The following CNTN4 variants were observed in gnomAD, a reference collection of about 807,000 sequenced individuals.
CNTN4 encodes contactin 4, also known as contactin-4.
CNTN4 carries 77 observed loss-of-function variants against 122.5 expected under a neutral mutation model. That is an observed-to-expected ratio of 0.63 (90% confidence interval 0.52 to 0.76). The LOEUF is 0.76. CNTN4 is among the 30% of genes least tolerant of loss of function. The pLI is 0.00. For synonymous variants in CNTN4, 512 were observed against 447.0 expected (o/e 1.15, Z -1.83); for missense variants, 1,256 against 1,259.1 (o/e 1.00, Z 0.04).
At chr3:2,451,717 GA>G (rs2048836606) in intron 3 of CNTN4, among the ~76,000 whole-genome samples, 1 of 152,088 alleles carries the variant, frequency 6.6e-6, no homozygotes, top group Non-Finnish European at 1.5e-5. Context: ...TTGCGCTGAT[GA>G]AGTAAGTATT....
intron 2 of CNTN4, among the ~76,000 whole-genome samples, chr3:2,296,270 G>C (rs1213913320): frequency 1.3e-5 from 2 of 152,134 alleles, no homozygotes; most frequent in African/African-American, 4.8e-5. Context: ...ACCTTGGGCA[G>C]TATGGCCATT....
In CNTN4 at chr3:2,516,456, T is replaced by C. The variant is rs555060295; in HGVS notation, c.-88-54960T>C. ...TACCAAGCAGCTTCAGGGACATTGC[T>C]TTTGGTTTTAATCTAGTACCTCTGT... On this transcript the variant is annotated intron_variant, in intron 3 of 24. Coordinates refer to ENST00000418658, the MANE Select transcript of CNTN4 (RefSeq NM_175607.3). 7.2e-5 allele frequency among the ~76,000 whole-genome samples: 11 copies of C among 152,250 alleles called. No homozygotes were observed. The East Asian group carries it at 2.1e-3, about 29-fold the overall frequency.
chr3:2,618,134 A>G (rs1043139810), intron 4 of CNTN4, among the ~76,000 whole-genome samples: 1 of 152,164 alleles, frequency 6.6e-6, no homozygotes, highest in Non-Finnish European at 1.5e-5. Flanking sequence ...TGGGATAGGT[A>G]TGGGGGAATG....
chr3:2,956,791 T>C (rs1481739766), intron 13 of CNTN4, among the ~76,000 whole-genome samples: 1 of 152,130 alleles, frequency 6.6e-6, no homozygotes, highest in Non-Finnish European at 1.5e-5. Context: ...TCTTCCTATT[T>C]ATTTCCCCTA....
At chr3:2,641,894 C>T (rs1264123614) in intron 4 of CNTN4, among the ~76,000 whole-genome samples, 2 of 152,154 alleles carry the variant, frequency 1.3e-5, no homozygotes, top group Admixed American at 1.3e-4. Context: ...GAATCATATA[C>T]TTAATTATGT....
chr3:2,853,100 T>C (rs2093572264), intron 7 of CNTN4, among the ~76,000 whole-genome samples: 1 of 151,570 alleles, frequency 6.6e-6, no homozygotes, highest in South Asian at 2.1e-4. Flanking sequence ...GAAGGTAAAA[T>C]AAGTCTCTAA....
chr3:2,574,182 C>CTCCA (rs1453739862), intron 4 of CNTN4, among the ~76,000 whole-genome samples: 1 of 152,232 alleles, frequency 6.6e-6, no homozygotes, highest in Non-Finnish European at 1.5e-5. Flanking sequence ...CGCCACTGCA[C>CTCCA]TCCAGCCTGG....
chr3:2,687,528 T>G (rs1414236515), intron 4 of CNTN4, among the ~76,000 whole-genome samples: 1 of 152,164 alleles, frequency 6.6e-6, no homozygotes, highest in Non-Finnish European at 1.5e-5. Flanking sequence ...CTGGGCATGG[T>G]GGCATGCGCC....
chr3:2,769,837 G>C (rs1443193829), intron 6 of CNTN4, among the ~76,000 whole-genome samples: 1 of 152,164 alleles, frequency 6.6e-6, no homozygotes, highest in Non-Finnish European at 1.5e-5. Flanking sequence ...ACAACAAGCA[G>C]ATCAAAAATA....
chr3:3,031,838 C>T (rs768006622), intron 16 of CNTN4, among the ~76,000 whole-genome samples: 9 of 152,170 alleles, frequency 5.9e-5, no homozygotes, highest in Non-Finnish European at 1.0e-4. Flanking sequence ...TGTTGGTGTT[C>T]AGGCATCTTT....
chr3:2,607,110 A>G (rs530428625), intron 4 of CNTN4, among the ~76,000 whole-genome samples: 1 of 152,318 alleles, frequency 6.6e-6, no homozygotes, highest in South Asian at 2.1e-4. Context: ...GGTGACTGTT[A>G]CATTCTTCCA....
intron 4 of CNTN4, among the ~76,000 whole-genome samples, chr3:2,631,879 C>CAAAAA (rs1027845200): frequency 8.8e-6 from 1 of 113,420 alleles, no homozygotes; most frequent in Non-Finnish European, 1.7e-5. Flanking sequence ...AAAAAAAAAA[C>CAAAAA]AAAAAAAAAC....
chr3:2,394,106 C>G (rs2046544996), intron 3 of CNTN4, among the ~76,000 whole-genome samples: 2 of 151,526 alleles, frequency 1.3e-5, no homozygotes, highest in Admixed American at 6.6e-5. Flanking sequence ...TCAATGAAAG[C>G]TAAATTTTAG....
rs1313502841 is a variant in CNTN4, at chr3:2,269,906, GTTTGTTTGTTTA to G, written c.-144-69268_-144-69257del. Among the ~76,000 whole-genome samples the G allele has an allele frequency of 1.1e-3, 21 of 19,386 alleles. 4 individuals are homozygous for G. Among genetic ancestry groups the G allele is most frequent in the Non-Finnish European group, 1.7e-3 (8 of 4,790 alleles). 12.7% of individuals were successfully genotyped at this position (19,386 alleles called of 152,430 possible). ...ATCCCCTATTATAGCCAGTTTGTTTGTTTGTTTGTTTATTTATTTATTTATTTATTTATTTAT... is the reference window on the plus strand; with the variant it reads ...ATCCCCTATTATAGCCAGTTTGTTTGTTTATTTATTTATTTATTTATTTAT... On this transcript the variant is annotated intron_variant, in intron 2 of 24. Transcript: ENST00000418658.
chr3:2,943,969 G>A (rs1469636487), intron 13 of CNTN4, among the ~76,000 whole-genome samples: 1 of 152,064 alleles, frequency 6.6e-6, no homozygotes, highest in African/African-American at 2.4e-5. Context: ...GATGCACTTT[G>A]CCTACAGATG....
At chr3:2,183,258 T>C (rs2037099487) in intron 2 of CNTN4, among the ~76,000 whole-genome samples, 3 of 152,176 alleles carry the variant, frequency 2.0e-5, no homozygotes, top group Admixed American at 2.0e-4. Context: ...TTAACAGCTT[T>C]GGAGATCCTT....
At chr3:2,906,055 G>T (rs1205484741) in intron 12 of CNTN4, among the ~76,000 whole-genome samples, 1 of 152,202 alleles carries the variant, frequency 6.6e-6, no homozygotes, top group Non-Finnish European at 1.5e-5. Context: ...GATGAACCTG[G>T]AGGACATCGT....
At chr3:2,309,919 T>C (rs2042852589) in intron 2 of CNTN4, among the ~76,000 whole-genome samples, 1 of 152,224 alleles carries the variant, frequency 6.6e-6, no homozygotes, top group African/African-American at 2.4e-5. Context: ...TACATAAATA[T>C]TTCCTATCTG....
At chr3:2,180,458 C>CAAAT (rs780623098) in intron 2 of CNTN4, among the ~76,000 whole-genome samples, 26 of 152,058 alleles carry the variant, frequency 1.7e-4, no homozygotes, top group Admixed American at 3.9e-4. Flanking sequence ...TCATGCTTTT[C>CAAAT]AAATAAGAAA....
Sources: allele counts gnomAD v4.1 joint callset (sites outside exome capture counted in the v4.1 genomes callset), GRCh38; gene constraint gnomAD v4.1.1; transcripts MANE v1.5; gene names NCBI Gene and HGNC (gene_info 2026-07-23, HGNC 2026-07-21).